CADM2: variants seen among roughly 807,000 people sequenced by gnomAD.
CADM2 encodes cell adhesion molecule 2.
A neutral mutation model predicts 49.8 loss-of-function variants in CADM2; 12 were observed. The ratio of observed to expected loss-of-function variants is 0.24; its 90% CI spans 0.15 to 0.39. CADM2 has a LOEUF of 0.39. CADM2 is among the 10% of genes least tolerant of loss of function. The pLI, the probability that CADM2 is intolerant of heterozygous loss-of-function variation, is 1.00. For synonymous variants in CADM2, 214 were observed against 175.4 expected (o/e 1.22, Z -1.74); for missense variants, 378 against 492.3 (o/e 0.77, Z 2.20).
intron 3 of CADM2, among the ~76,000 whole-genome samples, chr3:85,881,581 T>G (rs1444106554): frequency 1.3e-5 from 2 of 152,184 alleles, no homozygotes. Flanking sequence ...GCTGTGGTTC[T>G]AATGAGAATT....
intron 1 of CADM2, among the ~76,000 whole-genome samples, chr3:85,173,703 G>A (rs1243348084): frequency 1.3e-5 from 2 of 152,064 alleles, no homozygotes; most frequent in Non-Finnish European, 2.9e-5. Flanking sequence ...TGATGCAATC[G>A]AACCCTGCAG....
At chr3:85,315,162 G>T (rs1404901957) in intron 1 of CADM2, among the ~76,000 whole-genome samples, 1 of 152,050 alleles carries the variant, frequency 6.6e-6, no homozygotes, top group African/African-American at 2.4e-5. Flanking sequence ...CTTCCAGGCC[G>T]AGTGAAGTGG....
chr3:85,432,016 G>A (rs1342135205), intron 1 of CADM2, among the ~76,000 whole-genome samples: 3 of 149,452 alleles, frequency 2.0e-5, no homozygotes, highest in Non-Finnish European at 4.5e-5. Flanking sequence ...ATGATCTCTT[G>A]AATGGAAATA....
intron 8 of CADM2, among the ~76,000 whole-genome samples, chr3:86,004,158 A>G (rs372933663): frequency 6.6e-6 from 1 of 152,014 alleles, no homozygotes; most frequent in African/African-American, 2.4e-5. Context: ...AAACAAAACA[A>G]AACAAAAAAC....
intron 8 of CADM2, among the ~76,000 whole-genome samples, chr3:86,043,153 G>A (rs151193812): frequency 0.034 from 5,202 of 152,070 alleles, 175 homozygotes; most frequent in African/African-American, 0.083. Context: ...GGAAGCATTC[G>A]CTTTGAAAAC....
intron 1 of CADM2, among the ~76,000 whole-genome samples, chr3:85,210,538 A>ATTTTTTTC (rs1191818689): frequency 6.6e-6 from 1 of 150,512 alleles, no homozygotes; most frequent in East Asian, 2.0e-4. Context: ...ATTTTTGGGG[A>ATTTTTTTC]TTTTTTTCTT....
chr3:85,769,494 TAC>T (rs1467568778), intron 2 of CADM2, among the ~76,000 whole-genome samples: 2 of 61,156 alleles, frequency 3.3e-5, no homozygotes, highest in Non-Finnish European at 6.0e-5. Flanking sequence ...TATACATATA[TAC>T]ATATATGTAT....
chr3:85,601,055 T>G (rs1344301777), intron 1 of CADM2, among the ~76,000 whole-genome samples: 1 of 148,524 alleles, frequency 6.7e-6, no homozygotes, highest in African/African-American at 2.5e-5. Flanking sequence ...CATACCTATA[T>G]TTATATATAT....
At position 86,066,772 on chromosome 3, in the gene CADM2, T is replaced by C; in HGVS notation, c.1204T>C (p.Tyr402His). The change falls in exon 10 of 10, where the codon TAT (tyrosine) becomes CAT (histidine). Residue 402 changes from tyrosine to histidine, a missense_variant. By Grantham distance (83) the Tyr-to-His change is moderately conservative (BLOSUM62 2). Coordinates refer to ENST00000383699, the MANE Select transcript of CADM2 (RefSeq NM_001167675.2). Reference protein sequence around the residue: ...SQVNAEEKKEYFI With the variant: ...SQVNAEEKKEHFI Reference sequence around the variant, plus strand: ...AGTCAATGCTGAAGAGAAAAAAGAGTATTTCATTTAAGATGCAGGCCAAGA... The same window carrying C: ...AGTCAATGCTGAAGAGAAAAAAGAGCATTTCATTTAAGATGCAGGCCAAGA... The C allele has an allele frequency of 6.2e-7, 1 of 1,608,040 alleles. No individual in the cohort carries two copies. The highest frequency in any genetic ancestry group is 8.5e-7 in the Non-Finnish European group (1 of 1,174,768).
chr3:85,756,079 G>A (rs896544792), intron 2 of CADM2, among the ~76,000 whole-genome samples: 3 of 152,046 alleles, frequency 2.0e-5, no homozygotes, highest in African/African-American at 7.2e-5. Context: ...GGCTCATGAT[G>A]AATAACAAAA....
At chr3:85,632,090 T>C (rs2064328098) in intron 1 of CADM2, among the ~76,000 whole-genome samples, 1 of 152,114 alleles carries the variant, frequency 6.6e-6, no homozygotes, top group African/African-American at 2.4e-5. Flanking sequence ...CCCATGATTC[T>C]CATGTGTGGT....
intron 1 of CADM2, among the ~76,000 whole-genome samples, chr3:85,581,771 A>T (rs1049491679): frequency 6.6e-6 from 1 of 152,070 alleles, no homozygotes; most frequent in Non-Finnish European, 1.5e-5. Context: ...GTGAAGCCAA[A>T]TAAAGACATT....
intron 1 of CADM2, among the ~76,000 whole-genome samples, chr3:85,642,560 A>T (rs922807522): frequency 2.0e-5 from 3 of 152,178 alleles, no homozygotes; most frequent in African/African-American, 7.2e-5. Flanking sequence ...TTAGTTTAAG[A>T]TTTAATCAAT....
At chr3:85,025,238 T>C (rs560591220) in intron 1 of CADM2, among the ~76,000 whole-genome samples, 3 of 152,156 alleles carry the variant, frequency 2.0e-5, no homozygotes, top group Admixed American at 6.5e-5. Flanking sequence ...ATTTTTGGTT[T>C]ATATTATTTG....
At position 86,022,067 on chromosome 3, in the gene CADM2, A is replaced by G. The variant is rs558640209; in HGVS notation, c.971-43538A>G. On this transcript the variant is annotated intron_variant, in intron 8 of 9. Coordinates refer to ENST00000383699, the MANE Select transcript of CADM2 (RefSeq NM_001167675.2). ...CTATCTATATGCATTTTTACTGTCT[A>G]TATGCACCTTATAATATCATGTTGT... 6.6e-5 allele frequency among the ~76,000 whole-genome samples: 10 copies of G among 152,286 alleles called. No homozygotes were observed. The South Asian group carries it at 2.1e-3, about 32-fold the overall frequency.
At chr3:85,706,649 G>C (rs950205414) in intron 1 of CADM2, among the ~76,000 whole-genome samples, 1 of 152,114 alleles carries the variant, frequency 6.6e-6, no homozygotes, top group Non-Finnish European at 1.5e-5. Context: ...ACTGATGACA[G>C]CTCTAACTGA....
At chr3:85,231,910 T>G (rs2042297809) in intron 1 of CADM2, among the ~76,000 whole-genome samples, 1 of 151,650 alleles carries the variant, frequency 6.6e-6, no homozygotes, top group South Asian at 2.1e-4. Context: ...AGATGGGGTT[T>G]CACCATGTTG....
chr3:85,103,434 A>G (rs1183365432), intron 1 of CADM2, among the ~76,000 whole-genome samples: 1 of 152,170 alleles, frequency 6.6e-6, no homozygotes, highest in Non-Finnish European at 1.5e-5. Context: ...TTCCTGTGTA[A>G]TTTATCATGA....
At chr3:85,060,485 A>T (rs1400536167) in intron 1 of CADM2, among the ~76,000 whole-genome samples, 1 of 152,148 alleles carries the variant, frequency 6.6e-6, no homozygotes, top group African/African-American at 2.4e-5. Flanking sequence ...AATATGTCCT[A>T]TCTGTAAGAA....
Sources: gnomAD v4.1 joint callset for allele counts (sites outside exome capture counted in the v4.1 genomes callset) on GRCh38, gnomAD v4.1.1 for gene constraint, MANE v1.5 for transcripts, NCBI Gene and HGNC (gene_info 2026-07-23, HGNC 2026-07-21) for gene names.